The following STX17 variants were observed in gnomAD, a reference collection of about 807,000 sequenced individuals.
The protein encoded by STX17 is syntaxin-17.
Under a neutral mutation model 35.9 loss-of-function variants are expected in STX17, and 29 were observed. The ratio of observed to expected loss-of-function variants is 0.81; its 90% CI spans 0.60 to 1.10. STX17 has a LOEUF of 1.10. STX17 is among the 50% of genes least tolerant of loss of function. The pLI, the probability that STX17 is intolerant of heterozygous loss-of-function variation, is 0.00. For synonymous variants in STX17, 92 were observed against 118.3 expected, an observed-to-expected ratio of 0.78 and a Z score of 1.44; for missense variants, 312 against 352.3, an observed-to-expected ratio of 0.89 and a Z score of 0.92.
At chr9:99,916,035 C>T (rs1377857603) in intron 2 of STX17, 3 of 455,390 alleles carry the variant, frequency 6.6e-6, no homozygotes, top group Admixed American at 2.4e-5. Context: ...TTCAGTAACT[C>T]GTATTCTCTT....
At chr9:99,923,096 CT>C (rs769031316) in intron 2 of STX17, among the ~76,000 whole-genome samples, 2 of 151,808 alleles carry the variant, frequency 1.3e-5, no homozygotes, top group Non-Finnish European at 2.9e-5. Context: ...TCTTCTATTT[CT>C]TTTCTCTCTT....
At chr9:99,945,130 ACTTATTGTTCAAAT>A (rs1357719278) in intron 3 of STX17, among the ~76,000 whole-genome samples, 2 of 152,082 alleles carry the variant, frequency 1.3e-5, no homozygotes, top group African/African-American at 4.8e-5. Flanking sequence ...TTTGTGTTAA[ACTTATTGTTCAAAT>A]CCTCTATATT....
chr9:99,946,999 T>C (rs1293760146), intron 3 of STX17, among the ~76,000 whole-genome samples: 1 of 152,142 alleles, frequency 6.6e-6, no homozygotes, highest in Non-Finnish European at 1.5e-5. Flanking sequence ...TGGATGTTTT[T>C]CTTCAATGTT....
chr9:99,918,239 C>T (rs1433260892), intron 2 of STX17, among the ~76,000 whole-genome samples: 6 of 152,184 alleles, frequency 3.9e-5, no homozygotes, highest in African/African-American at 1.4e-4. Context: ...AAGCAATCCT[C>T]CTGTCTCAGC....
At chr9:99,935,726 G>A (rs1829221024) in intron 3 of STX17, among the ~76,000 whole-genome samples, 1 of 152,212 alleles carries the variant, frequency 6.6e-6, no homozygotes, top group Non-Finnish European at 1.5e-5. Flanking sequence ...AGAAGGTGTT[G>A]AGTGTTCTTT....
intron 2 of STX17, among the ~76,000 whole-genome samples, chr9:99,926,800 G>C (rs1303331907): frequency 6.6e-6 from 1 of 152,086 alleles, no homozygotes; most frequent in Admixed American, 6.6e-5. Context: ...GCCCAGCCTT[G>C]AGTCTTTCTT....
intron 3 of STX17, among the ~76,000 whole-genome samples, chr9:99,940,748 C>T (rs764449543): frequency 3.9e-5 from 6 of 152,120 alleles, no homozygotes; most frequent in Non-Finnish European, 5.9e-5. Context: ...CCCAAAGTGC[C>T]GGGATTACAG....
chr9:99,945,879 C>G (rs1029239140), intron 3 of STX17: 2 of 190,828 alleles, frequency 1.0e-5, no homozygotes, highest in African/African-American at 2.4e-5. Flanking sequence ...GTCAGGAGTT[C>G]GAGACCAACC....
rs372619065 is a variant in STX17 at position 99,928,833 on chromosome 9, G to A, written c.179G>A (p.Arg60His). The change falls in exon 3 of 8, where the codon CGT becomes CAT. Residue 60 changes from arginine (R) to histidine (H), a missense_variant. Coordinates refer to ENST00000259400, the MANE Select transcript of STX17 (RefSeq NM_017919.3). ...KLHEEHINAGRTVQQLRSNIR... is the reference protein window; with the variant it reads ...KLHEEHINAGHTVQQLRSNIR... Reference sequence around the variant, plus strand: ...CATGAAGAGCATATCAATGCAGGACGTACAGTTCAGGTAAGGCTATTATAT... The same window carrying A: ...CATGAAGAGCATATCAATGCAGGACATACAGTTCAGGTAAGGCTATTATAT... 6.2e-6 allele frequency: 10 copies of A among 1,612,896 alleles called. No individual in the cohort carries two copies. Among genetic ancestry groups the A allele is most frequent in the African/African-American group, 4.0e-5 (3 of 74,882 alleles).
chr9:99,918,641 A>G (rs1178042531), intron 2 of STX17, among the ~76,000 whole-genome samples: 1 of 150,528 alleles, frequency 6.6e-6, no homozygotes, highest in East Asian at 2.0e-4. Flanking sequence ...TTTGATATTT[A>G]AGAGTGCTGA....
chr9:99,929,006 T>G lies in STX17; in HGVS notation c.189+163T>G, dbSNP rs1012965458. On this transcript the variant is annotated intron_variant, in intron 3 of 7. Transcript: ENST00000259400. The stretch of plus-strand genomic sequence containing the variant: ...AAATTGCTGAATCACATGCCATACA[T>G]ATTTTCAAAGTTTTGTTTTGTTACC... 1.2e-5 allele frequency: 7 copies of G among 568,492 alleles called. No homozygotes were observed. The African/African-American group carries it at 1.3e-4, about 11-fold the overall frequency. 35.2% of individuals were successfully genotyped at this position (568,492 alleles called of 1,614,324 possible). A position where few individuals can be genotyped will look rare whatever the true frequency, so the allele number is the denominator to read the frequency against.
In STX17 at chr9:99,971,768, C is replaced by T. The variant is rs187502230; in HGVS notation, c.*3095C>T. Among the ~76,000 whole-genome samples, 554 of 152,302 alleles carry T rather than the reference C, an allele frequency of 3.6e-3. No homozygotes were observed. The highest frequency in any genetic ancestry group is 6.8e-3 in the Middle Eastern group (2 of 294). Reference sequence around the variant, plus strand: ...GGGGGCAGGGGCTCATGCCTGCAATCCCAGCACTTAGGGAGGCAGAGGCCA... The same window carrying T: ...GGGGGCAGGGGCTCATGCCTGCAATTCCAGCACTTAGGGAGGCAGAGGCCA... On this transcript the variant is annotated 3_prime_UTR_variant, in exon 8 of 8. Coordinates refer to ENST00000259400, the MANE Select transcript of STX17 (RefSeq NM_017919.3).
chr9:99,967,753 C>A lies in STX17; in HGVS notation c.669+14C>A. ...AACTTAGGGAAGGTAAGATTCTGCTCCTGCTGACAAATCAATGGTACTCTG... is the reference window on the plus strand; with the variant it reads ...AACTTAGGGAAGGTAAGATTCTGCTACTGCTGACAAATCAATGGTACTCTG... On this transcript the variant is annotated intron_variant, in intron 7 of 7. Coordinates refer to ENST00000259400, the MANE Select transcript of STX17 (RefSeq NM_017919.3). 6.2e-7 allele frequency: 1 copy of A among 1,611,444 alleles called. No homozygotes were observed. The highest frequency in any genetic ancestry group is 1.1e-5 in the South Asian group (1 of 91,026).
intron 1 of STX17, among the ~76,000 whole-genome samples, chr9:99,912,119 A>T (rs1291901328): frequency 6.6e-6 from 1 of 152,084 alleles, no homozygotes; most frequent in African/African-American, 2.4e-5. Context: ...CCAGCTACTC[A>T]GGAGGCTGAG....
rs1039952099 is a variant in STX17, at chr9:99,974,226, AACTT to A, written c.*5555_*5558del. Reference sequence around the variant, plus strand: ...GGACCATTGTCCAGCTCCTGTGAAAAACTTAATATTTGAGAAAGACATTCAATGG... The same window carrying A: ...GGACCATTGTCCAGCTCCTGTGAAAAAATATTTGAGAAAGACATTCAATGG... On this transcript the variant is annotated 3_prime_UTR_variant, in exon 8 of 8. Coordinates refer to ENST00000259400, the MANE Select transcript of STX17 (RefSeq NM_017919.3). Among the ~76,000 whole-genome samples the A allele has an allele frequency of 1.4e-4, 22 of 152,184 alleles. No homozygotes were observed. Among genetic ancestry groups the A allele is most frequent in the African/African-American group, 4.3e-4 (18 of 41,454 alleles).
chr9:99,950,073 G>T (rs1564070594), intron 3 of STX17, among the ~76,000 whole-genome samples: 1 of 151,820 alleles, frequency 6.6e-6, no homozygotes, highest in African/African-American at 2.4e-5. Context: ...ATATAAAGAT[G>T]ACTCTACACT....
intron 3 of STX17, among the ~76,000 whole-genome samples, chr9:99,931,155 A>T (rs1055073316): frequency 3.9e-5 from 6 of 151,952 alleles, no homozygotes; most frequent in Non-Finnish European, 7.4e-5. Flanking sequence ...TAATTTTTGT[A>T]TTTTTAGTAG....
intron 3 of STX17, among the ~76,000 whole-genome samples, chr9:99,947,584 C>T (rs964896052): frequency 2.6e-5 from 4 of 152,088 alleles, no homozygotes; most frequent in Non-Finnish European, 5.9e-5. Context: ...TCTTCTAAGC[C>T]GCTGGGGGCA....
chr9:99,907,923 A>G (rs1296846585), intron 1 of STX17, among the ~76,000 whole-genome samples: 1 of 152,108 alleles, frequency 6.6e-6, no homozygotes, highest in Non-Finnish European at 1.5e-5. Context: ...CCAGTCTGTG[A>G]CAGTTCCTCT....
Sources: allele counts gnomAD v4.1 joint callset (sites outside exome capture counted in the v4.1 genomes callset), GRCh38; gene constraint gnomAD v4.1.1; transcripts MANE v1.5; gene names NCBI Gene and HGNC (gene_info 2026-07-23, HGNC 2026-07-21).